Variants in ZNF804B observed in about 807,000 individuals in gnomAD.
ZNF804B encodes the protein zinc finger protein 804B.
ZNF804B carries 80 observed loss-of-function variants against 101.4 expected under a neutral mutation model. The observed-to-expected ratio is 0.79, with a 90% CI of 0.66 to 0.95. The LOEUF (loss-of-function observed/expected upper bound fraction) is 0.95. Ranked by LOEUF, ZNF804B falls within the 40% of genes least tolerant of loss-of-function variation. The pLI, the probability that ZNF804B is intolerant of heterozygous loss-of-function variation, is 0.00. For missense variants in ZNF804B, 1,673 were observed against 1,561.9 expected (o/e 1.07, Z -1.20); for synonymous variants, 622 against 558.8 (o/e 1.11, Z -1.59).
At chr7:89,077,504 C>T (rs1008233677) in intron 1 of ZNF804B, among the ~76,000 whole-genome samples, 1 of 152,038 alleles carries the variant, frequency 6.6e-6, no homozygotes, top group Admixed American at 6.5e-5. Context: ...TTAACGAGAT[C>T]GTTTATTCTT....
At chr7:88,799,535 C>T (rs1281008452) in intron 1 of ZNF804B, among the ~76,000 whole-genome samples, 1 of 151,952 alleles carries the variant, frequency 6.6e-6, no homozygotes, top group African/African-American at 2.4e-5. Flanking sequence ...CAAAGGATAC[C>T]TTATGGTTTG....
At chr7:88,849,073 C>T (rs1273985862) in intron 1 of ZNF804B, among the ~76,000 whole-genome samples, 1 of 152,134 alleles carries the variant, frequency 6.6e-6, no homozygotes, top group Non-Finnish European at 1.5e-5. Context: ...TAGCTGCTCA[C>T]TGCTCCCCAT....
At chr7:89,179,104 C>T (rs1168255497) in intron 1 of ZNF804B, among the ~76,000 whole-genome samples, 2 of 152,028 alleles carry the variant, frequency 1.3e-5, no homozygotes, top group African/African-American at 4.8e-5. Context: ...TATCCTTGGC[C>T]TTTGGGAGCT....
chr7:89,336,041 C>A lies in ZNF804B; in HGVS notation c.3059C>A (p.Thr1020Asn). 1 of 1,613,976 alleles carries A rather than the reference C, an allele frequency of 6.2e-7. No homozygotes were observed. Among genetic ancestry groups the A allele is most frequent in the Non-Finnish European group, 8.5e-7 (1 of 1,179,992 alleles). Reference sequence around the variant, plus strand: ...AATAATTTTACAATTTTAGCAGACACTGATTGTGATAACCATCTTTCTAAA... The same window carrying A: ...AATAATTTTACAATTTTAGCAGACAATGATTGTGATAACCATCTTTCTAAA... The part of the protein sequence containing the change: ...HTNNFTILAD[T>N]DCDNHLSKGI... Residue 1020 changes from threonine (T) to asparagine (N), a missense_variant, in exon 4 of 4, where the codon ACT becomes AAT. Physicochemically the swap from Thr to Asn is moderately conservative, Grantham distance 65 (BLOSUM62 0). Transcript: ENST00000333190.
chr7:88,903,570 C>G (rs985988017), intron 1 of ZNF804B, among the ~76,000 whole-genome samples: 3 of 152,196 alleles, frequency 2.0e-5, no homozygotes, highest in Non-Finnish European at 4.4e-5. Flanking sequence ...ACATTCCCAT[C>G]AACAGTGTAA....
rs186030243 is a variant in ZNF804B at position 89,192,372 on chromosome 7, G to C, written c.109-25783G>C. 9.4e-4 allele frequency among the ~76,000 whole-genome samples: 142 copies of C among 151,778 alleles called. 1 individual carries two copies. Among genetic ancestry groups the C allele is most frequent in the Non-Finnish European group, 1.8e-3 (119 of 67,938 alleles). Reference sequence around the variant, plus strand: ...CTAATTACCCATCCACAGGGGAATGGATAAAAAACGGTGGTATGTCCATAC... The same window carrying C: ...CTAATTACCCATCCACAGGGGAATGCATAAAAAACGGTGGTATGTCCATAC... On this transcript the variant is annotated intron_variant, in intron 1 of 3. Coordinates refer to ENST00000333190, the MANE Select transcript of ZNF804B (RefSeq NM_181646.5).
intron 1 of ZNF804B, among the ~76,000 whole-genome samples, chr7:88,761,709 T>C (rs758140612): frequency 1.3e-5 from 2 of 152,178 alleles, no homozygotes; most frequent in Admixed American, 6.5e-5. Context: ...GAAAACTAAA[T>C]TGGGTAGGGC....
intron 1 of ZNF804B, among the ~76,000 whole-genome samples, chr7:89,141,291 G>A (rs529080466): frequency 5.9e-5 from 9 of 152,162 alleles, no homozygotes; most frequent in East Asian, 5.8e-4. Flanking sequence ...AGAAGTGAGC[G>A]CATGCTTTTG....
chr7:88,878,692 A>G (rs1791987328), intron 1 of ZNF804B, among the ~76,000 whole-genome samples: 1 of 152,202 alleles, frequency 6.6e-6, no homozygotes, highest in South Asian at 2.1e-4. Flanking sequence ...TTGGGATAAT[A>G]ATGTACTTTT....
chr7:89,227,159 C>A (rs1789101819), intron 2 of ZNF804B, among the ~76,000 whole-genome samples: 1 of 152,148 alleles, frequency 6.6e-6, no homozygotes, highest in African/African-American at 2.4e-5. Context: ...TTTGGTGGAA[C>A]CTATCCTCTA....
At chr7:89,255,741 C>CA (rs950648742) in intron 2 of ZNF804B, among the ~76,000 whole-genome samples, 3 of 151,328 alleles carry the variant, frequency 2.0e-5, no homozygotes, top group East Asian at 1.9e-4. Flanking sequence ...TTAAATGATA[C>CA]AAAAAAACCA....
chr7:89,131,021 C>T (rs539031510), intron 1 of ZNF804B, among the ~76,000 whole-genome samples: 1 of 152,062 alleles, frequency 6.6e-6, no homozygotes, highest in South Asian at 2.1e-4. Flanking sequence ...TTTAAACTCA[C>T]TCATTTCTAT....
chr7:89,124,034 T>A (rs775499548), intron 1 of ZNF804B, among the ~76,000 whole-genome samples: 28 of 152,144 alleles, frequency 1.8e-4, no homozygotes, highest in Non-Finnish European at 3.5e-4. Context: ...AGGAACCACG[T>A]TGAATTGTGC....
chr7:89,019,975 T>C (rs1257562434), intron 1 of ZNF804B, among the ~76,000 whole-genome samples: 1 of 152,108 alleles, frequency 6.6e-6, no homozygotes, highest in African/African-American at 2.4e-5. Flanking sequence ...GAACACTTAC[T>C]ACTGTTTTTT....
intron 1 of ZNF804B, among the ~76,000 whole-genome samples, chr7:89,047,750 A>G (rs2116259282): frequency 6.6e-6 from 1 of 152,266 alleles, no homozygotes; most frequent in African/African-American, 2.4e-5. Flanking sequence ...CTCTGATGTT[A>G]AAAAGTGAAG....
chr7:88,966,581 A>G (rs1222686757), intron 1 of ZNF804B, among the ~76,000 whole-genome samples: 1 of 151,558 alleles, frequency 6.6e-6, no homozygotes. Flanking sequence ...CATATGTGTT[A>G]TTGTTGTAAC....
At chr7:89,269,908 GTTGT>G (rs1231431562) in intron 2 of ZNF804B, among the ~76,000 whole-genome samples, 2 of 152,110 alleles carry the variant, frequency 1.3e-5, no homozygotes, top group Non-Finnish European at 2.9e-5. Context: ...TTTTGATGGG[GTTGT>G]TTGTTTTTTT....
intron 2 of ZNF804B, among the ~76,000 whole-genome samples, chr7:89,296,173 A>G (rs1790379390): frequency 6.6e-6 from 1 of 152,104 alleles, no homozygotes; most frequent in Admixed American, 6.6e-5. Flanking sequence ...ATGTACATAC[A>G]TAAATACATA....
At chr7:88,837,677 A>G (rs2115797353) in intron 1 of ZNF804B, among the ~76,000 whole-genome samples, 1 of 152,020 alleles carries the variant, frequency 6.6e-6, no homozygotes, top group Non-Finnish European at 1.5e-5. Context: ...GTATCAAGGG[A>G]GAACGTTCAC....
Sources: allele counts gnomAD v4.1 joint callset (sites outside exome capture counted in the v4.1 genomes callset), GRCh38; gene constraint gnomAD v4.1.1; transcripts MANE v1.5; gene names NCBI Gene and HGNC (gene_info 2026-07-23, HGNC 2026-07-21).